PPP6R1: variants seen among roughly 807,000 people sequenced by gnomAD.
PPP6R1 encodes the protein protein phosphatase 6 regulatory subunit 1.
In PPP6R1, 39 loss-of-function variants were observed where a neutral mutation model predicts 104.6. That is an observed-to-expected ratio of 0.37 (90% CI 0.29 to 0.49). PPP6R1 has a LOEUF of 0.49. PPP6R1 is among the 20% of genes least tolerant of loss of function. The pLI, the probability that PPP6R1 is intolerant of heterozygous loss-of-function variation, is 0.98. For missense variants in PPP6R1, 1,181 were observed against 1,155.8 expected, an observed-to-expected ratio of 1.02 and a Z score of -0.32; for synonymous variants, 549 against 479.0, an observed-to-expected ratio of 1.15 and a Z score of -1.91.
intron 10 of PPP6R1, 21 bp downstream of exon 10, chr19:55,240,924 G>A (rs745402281): frequency 2.5e-5 from 40 of 1,601,216 alleles, no homozygotes; most frequent in Admixed American, 8.6e-5. Flanking sequence ...GAAGGAGGGG[G>A]ACCAGGGAGT....
In PPP6R1 at chr19:55,231,859, TG is replaced by T; in HGVS notation, c.2248del (p.Gln750ArgfsTer168). 2.0e-6 allele frequency: 3 copies of T among 1,504,594 alleles called. No individual in the cohort carries two copies. Among genetic ancestry groups the T allele is most frequent in the Non-Finnish European group, 1.8e-6 (2 of 1,127,158 alleles). 93.2% of individuals were successfully genotyped at this position (1,504,594 alleles called of 1,614,324 possible). A position where few individuals can be genotyped will look rare whatever the true frequency, so the allele number is the denominator to read the frequency against. ...GGCCAGGCTCTGAGTGGGGAGGCCC[TG>T]GGGCACACTGAGGGGCCCCTGTGGG... ...PAPQGPLSVPQGLPTQSLASP... is the reference protein window; with the variant it reads ...PAPQGPLSVPXGLPTQSLASP... On this transcript the variant is annotated frameshift_variant, in exon 19 of 24. Transcript: ENST00000412770. LOFTEE classifies it high-confidence loss of function.
chr19:55,244,804 G>A (rs2087492038), intron 5 of PPP6R1, among the ~76,000 whole-genome samples: 1 of 151,630 alleles, frequency 6.6e-6, no homozygotes, highest in African/African-American at 2.4e-5. Context: ...GAGTGCAGTG[G>A]TGTGATCATG....
In PPP6R1 at chr19:55,230,852, G is replaced by A; in HGVS notation, c.2492C>T (p.Ala831Val). 6.2e-7 allele frequency: 1 copy of A among 1,607,538 alleles called. No individual in the cohort carries two copies. The highest frequency in any genetic ancestry group is 8.5e-7 in the Non-Finnish European group (1 of 1,179,626). The change falls in exon 22 of 24, where the codon GCC becomes GTC. Residue 831 changes from alanine (A) to valine (V), a missense_variant. Around this residue, in one of 2 missense-constraint regions of PPP6R1, gnomAD observed 1,042 missense variants for 955.6 expected, o/e 1.09. Transcript: ENST00000412770. ...CTGGGGGGGCTGGTGGGCCCCGGAG[G>A]CTGGGACAGAGGTAGAGGGGTCTCT... ...ATRDPSTSVP[A>V]SGAHQPPQTT...
intron 17 of PPP6R1, chr19:55,232,851 T>C (rs2087362553): frequency 6.6e-6 from 1 of 152,302 alleles, no homozygotes. Flanking sequence ...AACTAAGCTT[T>C]AACAACGAGG....
Position 55,242,421 on chromosome 19 carries a change from A to C in PPP6R1, c.686T>G (p.Val229Gly). The C allele has an allele frequency of 6.2e-7, 1 of 1,613,996 alleles. No individual in the cohort carries two copies. Among genetic ancestry groups the C allele is most frequent in the Non-Finnish European group, 8.5e-7 (1 of 1,179,878 alleles). The part of the protein sequence containing the change: ...IRLSREQMIQ[V>G]QDSPEPDQLL... ...TTGGTCAGGCTCTGGGCTGTCCTGG[A>C]CTTGGATCATCTGCTCCCGGCTCAG... is the stretch of plus-strand genomic sequence containing the variant. The change falls in exon 6 of 24, where the codon GTC becomes GGC. Residue 229 changes from valine (V) to glycine (G), a missense_variant. Around this residue, in one of 2 missense-constraint regions of PPP6R1, gnomAD observed 1,042 missense variants for 955.6 expected, o/e 1.09. Transcript: ENST00000412770.
intron 17 of PPP6R1, among the ~76,000 whole-genome samples, chr19:55,234,560 G>A (rs1390052508): frequency 6.6e-6 from 1 of 152,074 alleles, no homozygotes; most frequent in African/African-American, 2.4e-5. Flanking sequence ...ACTCTTAGAA[G>A]AAAAGAGAGG....
intron 1 of PPP6R1, among the ~76,000 whole-genome samples, chr19:55,250,877 A>T (rs1463480243): frequency 6.6e-6 from 1 of 151,912 alleles, no homozygotes; most frequent in Non-Finnish European, 1.5e-5. Context: ...CTCTCCCCAC[A>T]GCCATGCAGA....
chr19:55,228,569 C>T (rs367839031), downstream of PPP6R1: 4 of 1,519,866 alleles, frequency 2.6e-6, no homozygotes, highest in African/African-American at 4.1e-5. Context: ...AGGGACCAGG[C>T]TGCCAGAACC....
At position 55,245,001 on chromosome 19, in the gene PPP6R1, G is replaced by A. The variant is rs1412609973; in HGVS notation, c.618+119C>T. The A allele has an allele frequency of 4.9e-6, 7 of 1,441,476 alleles. No individual in the cohort carries two copies. Among genetic ancestry groups the A allele is most frequent in the African/African-American group, 1.4e-5 (1 of 70,896 alleles). 89.3% of individuals were successfully genotyped at this position (1,441,476 alleles called of 1,614,324 possible). A position where few individuals can be genotyped will look rare whatever the true frequency, so the allele number is the denominator to read the frequency against. ...AATCCTCCCACCTCGCCCTCCCAAA[G>A]TGCTGGAATTACAGGCGTGAGCCAC... On this transcript the variant is annotated intron_variant, in intron 5 of 23. Coordinates refer to ENST00000412770, the MANE Select transcript of PPP6R1 (RefSeq NM_014931.4). This position sits in a 1 kb window ranked among gnomAD's most constrained non-coding sequence, Gnocchi z 6.4.
intron 1 of PPP6R1, among the ~76,000 whole-genome samples, chr19:55,254,091 A>G (rs550897999): frequency 9.2e-5 from 14 of 152,318 alleles, no homozygotes; most frequent in African/African-American, 3.4e-4. Flanking sequence ...GGTGCTAAAC[A>G]CAGAGGAGCA....
At position 55,230,904 on chromosome 19, in the gene PPP6R1, G is replaced by A. The variant is rs1423255273; in HGVS notation, c.2460-20C>T. ...GTTGCACTGTGGGTGAGAGGCAGGT[G>A]CGGCTGTCAGCGTGGCCCCCACCGT... is the stretch of plus-strand genomic sequence containing the variant. On this transcript the variant is annotated intron_variant, in intron 21 of 23. Transcript: ENST00000412770. 6.4e-7 allele frequency: 1 copy of A among 1,567,490 alleles called. No homozygotes were observed.
intron 1 of PPP6R1, among the ~76,000 whole-genome samples, chr19:55,256,130 G>A (rs2087591341): frequency 6.6e-6 from 1 of 152,220 alleles, no homozygotes; most frequent in Admixed American, 6.5e-5. Flanking sequence ...TCCTCTAATG[G>A]AAAGAAACAG....
chr19:55,231,713 A>C, intron 19 of PPP6R1, 45 bp from the exon 20 acceptor site: 1 of 1,532,938 alleles, frequency 6.5e-7, no homozygotes, highest in Non-Finnish European at 8.8e-7. Context: ...TAGGGTTAGC[A>C]CTCGAGCCTA....
Position 55,236,794 on chromosome 19 carries a change from A to G in PPP6R1, c.1837T>C (p.Tyr613His), listed in dbSNP as rs2087403014. The change falls in exon 17 of 24, where the codon TAC becomes CAC. Residue 613 changes from tyrosine (Y) to histidine (H), a missense_variant. This residue lies in a region of PPP6R1 where 1,042 missense variants were observed against 955.6 expected (regional missense o/e 1.09). Transcript: ENST00000412770. ...TCAAACTGCTGGATGCGGTCCTTGT[A>G]GCATATCTCAAGTAGGTTGGCGTTG... ...NPNANLLEIC[Y>H]KDRIQQFDDD... 6.8e-6 allele frequency: 11 copies of G among 1,613,824 alleles called. No homozygotes were observed. The highest frequency in any genetic ancestry group is 8.5e-6 in the Non-Finnish European group (10 of 1,179,826).
chr19:55,236,816 G>A lies in PPP6R1; in HGVS notation c.1815C>T (p.Asn605=), dbSNP rs374964925. ...FSLNADDENP[N]ANLLEICYKD... ...TGTAGCATATCTCAAGTAGGTTGGC[G>A]TTGGGCTGCAGGGCACAGGGGTGGG... Residue 605 remains asparagine (N), a synonymous_variant, in exon 17 of 24, where the codon AAC becomes AAT. Transcript: ENST00000412770. 1.1e-5 allele frequency: 17 copies of A among 1,613,854 alleles called. No individual in the cohort carries two copies. Among genetic ancestry groups the A allele is most frequent in the South Asian group, 6.6e-5 (6 of 91,068 alleles).
At chr19:55,247,830 T>C (rs2087522979) in intron 1 of PPP6R1, among the ~76,000 whole-genome samples, 1 of 152,044 alleles carries the variant, frequency 6.6e-6, no homozygotes, top group South Asian at 2.1e-4. Flanking sequence ...GAGGAAAAGT[T>C]GGAAGGGAGG....
chr19:55,230,961 T>C (rs2087338830), intron 21 of PPP6R1, 77 bp from the exon 22 acceptor site: 1 of 1,257,336 alleles, frequency 8.0e-7, no homozygotes, highest in Non-Finnish European at 1.1e-6. Flanking sequence ...CCCACCCGAC[T>C]GAAGTCGGCT....
intron 22 of PPP6R1, 41 bp downstream of exon 22, chr19:55,230,733 G>GCCCCCCCCCCCCCC: frequency 7.2e-7 from 1 of 1,390,546 alleles, no homozygotes. Context: ...TGCCCCACCA[G>GCCCCCCCCCCCCCC]CCCCACCCCC....
chr19:55,234,726 G>C (rs1164674258), intron 17 of PPP6R1, among the ~76,000 whole-genome samples: 1 of 152,208 alleles, frequency 6.6e-6, no homozygotes, highest in Non-Finnish European at 1.5e-5. Flanking sequence ...AAGCAATTCA[G>C]CTGCAGCTCA....
Sources: allele counts gnomAD v4.1 joint callset (sites outside exome capture counted in the v4.1 genomes callset), GRCh38; gene constraint gnomAD v4.1.1; regional missense constraint gnomAD v4.1.1; non-coding constraint Gnocchi (gnomAD v3.1); transcripts MANE v1.5; gene names NCBI Gene and HGNC (gene_info 2026-07-23, HGNC 2026-07-21).